Variants in AKAP13 observed in about 807,000 individuals in gnomAD.
AKAP13 encodes the protein A-kinase anchoring protein 13, also known as A-kinase anchor protein 13.
In AKAP13, 80 loss-of-function variants were observed where a neutral mutation model predicts 264.5. That is an observed-to-expected ratio of 0.30 (90% CI 0.25 to 0.36). The LOEUF (loss-of-function observed/expected upper bound fraction) is 0.36. AKAP13 is among the 10% of genes least tolerant of loss of function. The pLI, the probability that AKAP13 is intolerant of heterozygous loss-of-function variation, is 1.00. For synonymous variants in AKAP13, 1,380 were observed against 1,250.2 expected (o/e 1.10, Z -2.19); for missense variants, 3,712 against 3,435.2 (o/e 1.08, Z -2.01).
intron 29 of AKAP13, among the ~76,000 whole-genome samples, chr15:85,729,518 G>C (rs998661103): frequency 1.3e-5 from 2 of 152,166 alleles, no homozygotes; most frequent in Admixed American, 1.3e-4. Context: ...TGGCCACGTG[G>C]GCGCCATGGT....
intron 16 of AKAP13, among the ~76,000 whole-genome samples, chr15:85,692,481 A>AGTGGTGGTGGTGGTGATGGTG: frequency 1.3e-5 from 2 of 149,968 alleles, no homozygotes; most frequent in Middle Eastern, 6.8e-3. Context: ...GAGTAGTAGT[A>AGTGGTGGTGGTGGTGATGGTG]GTGGTGGTGG....
chr15:85,578,135 TAGTC>T (rs2079075311), intron 6 of AKAP13, among the ~76,000 whole-genome samples: 1 of 152,072 alleles, frequency 6.6e-6, no homozygotes, highest in African/African-American at 2.4e-5. Flanking sequence ...ATAAAACAAT[TAGTC>T]AGGTGCAATG....
intron 2 of AKAP13, among the ~76,000 whole-genome samples, chr15:85,507,994 C>T (rs1243226372): frequency 6.6e-6 from 1 of 151,840 alleles, no homozygotes; most frequent in Non-Finnish European, 1.5e-5. Context: ...TAGGTCCCTC[C>T]TCCTTTTCTC....
chr15:85,472,789 T>G (rs2075007020), intron 1 of AKAP13, among the ~76,000 whole-genome samples: 1 of 152,246 alleles, frequency 6.6e-6, no homozygotes, highest in Non-Finnish European at 1.5e-5. Flanking sequence ...CCTGGTGCTT[T>G]AAAACATTTT....
At chr15:85,665,829 T>G (rs1401642684) in intron 13 of AKAP13, among the ~76,000 whole-genome samples, 1 of 152,194 alleles carries the variant, frequency 6.6e-6, no homozygotes, top group East Asian at 1.9e-4. Context: ...GGTTTCCAGC[T>G]TCATCCATCT....
chr15:85,442,496 T>C (rs1420999307), intron 1 of AKAP13, among the ~76,000 whole-genome samples: 1 of 106,890 alleles, frequency 9.4e-6, no homozygotes, highest in Admixed American at 1.0e-4. Flanking sequence ...ATATAATATA[T>C]ATTATATTAT....
intron 8 of AKAP13, among the ~76,000 whole-genome samples, chr15:85,613,713 T>TATATATATATATATATA (rs1254657975): frequency 2.1e-4 from 23 of 110,886 alleles, no homozygotes; most frequent in Non-Finnish European, 3.7e-4. Flanking sequence ...TATATATATA[T>TATATATATATATATATA]TAGGAGTGCT....
At chr15:85,583,443 A>T (rs1555447560) in intron 7 of AKAP13, among the ~76,000 whole-genome samples, 27 of 152,100 alleles carry the variant, frequency 1.8e-4, no homozygotes, top group Non-Finnish European at 4.0e-4. Context: ...TTTTAGTTTT[A>T]TTAATGTTTT....
At chr15:85,556,566 T>A (rs1469544427) in intron 5 of AKAP13, among the ~76,000 whole-genome samples, 1 of 152,200 alleles carries the variant, frequency 6.6e-6, no homozygotes, top group Non-Finnish European at 1.5e-5. Flanking sequence ...CCTCCAAGAA[T>A]AAAATCCTAG....
chr15:85,529,590 T>G (rs1483889818), intron 3 of AKAP13, among the ~76,000 whole-genome samples: 2 of 152,184 alleles, frequency 1.3e-5, no homozygotes, highest in African/African-American at 2.4e-5. Context: ...ATGTAACTTT[T>G]TAAAAAATGC....
At chr15:85,445,131 C>T (rs1052378898) in intron 1 of AKAP13, among the ~76,000 whole-genome samples, 11 of 152,084 alleles carry the variant, frequency 7.2e-5, no homozygotes, top group Non-Finnish European at 1.6e-4. Context: ...TCAAAAAAAC[C>T]TATGATCAAA....
intron 7 of AKAP13, chr15:85,582,802 G>A: frequency 3.3e-6 from 3 of 902,394 alleles, no homozygotes; most frequent in Non-Finnish European, 4.0e-6. Context: ...CACAGTGCAG[G>A]GGATAGGATG....
At chr15:85,679,818 C>T (rs984936171) in intron 14 of AKAP13, among the ~76,000 whole-genome samples, 3 of 152,058 alleles carry the variant, frequency 2.0e-5, no homozygotes, top group African/African-American at 7.2e-5. Flanking sequence ...AGTTTCGTTT[C>T]GTTTCATTTA....
At chr15:85,630,270 C>A (rs401914) in intron 8 of AKAP13, among the ~76,000 whole-genome samples, 6 of 146,088 alleles carry the variant, frequency 4.1e-5, no homozygotes, top group East Asian at 4.0e-4. Context: ...CACACACAAA[C>A]ACAATGAACT....
At chr15:85,714,544 G>T (rs1243300841) in intron 19 of AKAP13, among the ~76,000 whole-genome samples, 1 of 152,198 alleles carries the variant, frequency 6.6e-6, no homozygotes, top group East Asian at 1.9e-4. Context: ...TAGACTCTTG[G>T]GTTCCACCCC....
intron 1 of AKAP13, among the ~76,000 whole-genome samples, chr15:85,432,825 C>T (rs1348765287): frequency 6.6e-6 from 1 of 152,006 alleles, no homozygotes; most frequent in East Asian, 1.9e-4. Context: ...ACTTTGTTTA[C>T]TTTGGTTGAT....
chr15:85,441,535 T>C (rs542820275), intron 1 of AKAP13, among the ~76,000 whole-genome samples: 27 of 152,306 alleles, frequency 1.8e-4, no homozygotes, highest in African/African-American at 6.5e-4. Context: ...TGTTTTCTTT[T>C]ATGGATCATA....
At chr15:85,647,741 C>T (rs1240695740) in intron 10 of AKAP13, among the ~76,000 whole-genome samples, 2 of 152,028 alleles carry the variant, frequency 1.3e-5, no homozygotes, top group African/African-American at 4.8e-5. Flanking sequence ...GTCAGGAGAT[C>T]GAGACCATCC....
At chr15:85,404,956 T>A (rs1246616953) in intron 1 of AKAP13, among the ~76,000 whole-genome samples, 2 of 152,248 alleles carry the variant, frequency 1.3e-5, no homozygotes, top group Non-Finnish European at 2.9e-5. Flanking sequence ...TAGGGCCTTA[T>A]GTAGCAGTGG....
Sources: allele counts gnomAD v4.1 joint callset (sites outside exome capture counted in the v4.1 genomes callset), GRCh38; gene constraint gnomAD v4.1.1; transcripts MANE v1.5; gene names NCBI Gene and HGNC (gene_info 2026-07-23, HGNC 2026-07-21).